SACM1L: variants seen among roughly 807,000 people sequenced by gnomAD.
The protein encoded by SACM1L is SAC1 like phosphatidylinositide phosphatase, also known as phosphatidylinositol-3-phosphatase SAC1.
A neutral mutation model predicts 89.5 loss-of-function variants in SACM1L; 32 were observed. The ratio of observed to expected loss-of-function variants is 0.36; its 90% CI spans 0.27 to 0.48. The LOEUF is 0.48. SACM1L is among the 20% of genes least tolerant of loss of function. The pLI, the probability that SACM1L is intolerant of heterozygous loss-of-function variation, is 0.99. For synonymous variants in SACM1L, 213 were observed against 232.8 expected (o/e 0.92, Z 0.77); for missense variants, 543 against 708.5 (o/e 0.77, Z 2.65).
At chr3:45,717,293 A>C (rs1260933412) in intron 7 of SACM1L, among the ~76,000 whole-genome samples, 1 of 152,234 alleles carries the variant, frequency 6.6e-6, no homozygotes, top group Non-Finnish European at 1.5e-5. Context: ...GTCTTTCCAG[A>C]ATGTTCACAG....
At chr3:45,738,196 T>G (rs764010131) in intron 16 of SACM1L, among the ~76,000 whole-genome samples, 2 of 152,234 alleles carry the variant, frequency 1.3e-5, no homozygotes, top group Non-Finnish European at 2.9e-5. Context: ...ATGAGGACAT[T>G]AATGAGAACA....
chr3:45,725,062 G>C (rs781372642), intron 11 of SACM1L, among the ~76,000 whole-genome samples: 7 of 152,140 alleles, frequency 4.6e-5, no homozygotes, highest in Non-Finnish European at 8.8e-5. Context: ...CTTATGACAG[G>C]ATCACACTAT....
chr3:45,734,043 T>A (rs1208490501), intron 13 of SACM1L, among the ~76,000 whole-genome samples: 1 of 152,174 alleles, frequency 6.6e-6, no homozygotes, highest in African/African-American at 2.4e-5. Flanking sequence ...GAAGGGAAAC[T>A]GATTTTTCAA....
chr3:45,709,478 T>C lies in SACM1L; in HGVS notation c.334-20T>C. On this transcript the variant is annotated intron_variant, in intron 4 of 19. Coordinates refer to ENST00000389061, the MANE Select transcript of SACM1L (RefSeq NM_014016.5). ...ATTCCTTTTCAATTATGAGCTATACTGATTTTTCTTTGTTTATAGTTACAA... is the reference window on the plus strand; with the variant it reads ...ATTCCTTTTCAATTATGAGCTATACCGATTTTTCTTTGTTTATAGTTACAA... 6.3e-7 allele frequency: 1 copy of C among 1,587,370 alleles called. No individual in the cohort carries two copies. Among genetic ancestry groups the C allele is most frequent in the Non-Finnish European group, 8.6e-7 (1 of 1,164,162 alleles).
chr3:45,694,656 C>T (rs117572674), intron 1 of SACM1L, among the ~76,000 whole-genome samples: 3 of 152,272 alleles, frequency 2.0e-5, no homozygotes, highest in East Asian at 3.9e-4. Context: ...CCACATTAGG[C>T]CTACTGAGTG....
chr3:45,697,898 A>G (rs973437917), intron 1 of SACM1L, among the ~76,000 whole-genome samples: 3 of 152,222 alleles, frequency 2.0e-5, no homozygotes, highest in African/African-American at 7.2e-5. Flanking sequence ...TCTGTTATCA[A>G]CAGTATAGAT....
chr3:45,720,402 A>G (rs1412289535), intron 8 of SACM1L, among the ~76,000 whole-genome samples: 1 of 152,100 alleles, frequency 6.6e-6, no homozygotes, highest in East Asian at 1.9e-4. Context: ...TGCAATAAAA[A>G]ATATTTCCCA....
rs574728463 is a variant in SACM1L at position 45,701,389 on chromosome 3, G to A, written c.33-2049G>A. Among the ~76,000 whole-genome samples, 10 of 152,196 alleles carry A rather than the reference G, an allele frequency of 6.6e-5. No individual in the cohort carries two copies. In the South Asian group the frequency reaches 1.2e-3, roughly 19 times the overall value. Reference sequence around the variant, plus strand: ...CCCTGGAATGTATTCATCACCTGCCGCATAGCCCCTAGTGCTTGCATAATG... The same window carrying A: ...CCCTGGAATGTATTCATCACCTGCCACATAGCCCCTAGTGCTTGCATAATG... On this transcript the variant is annotated intron_variant, in intron 1 of 19. Coordinates refer to ENST00000389061, the MANE Select transcript of SACM1L (RefSeq NM_014016.5).
At position 45,706,705 on chromosome 3, in the gene SACM1L, A is replaced by G. The variant is rs1698404240; in HGVS notation, c.206-75A>G. 6 of 1,293,356 alleles carry G rather than the reference A, an allele frequency of 4.6e-6. No individual in the cohort carries two copies. The Admixed American group carries it at 1.4e-4, about 31-fold the overall frequency. 80.1% of individuals were successfully genotyped at this position (1,293,356 alleles called of 1,614,324 possible). ...CTCATTCTACTAGCCTTTAAAGTTAAACAATAAGGACTCCTATTTCTACCT... is the reference window on the plus strand; with the variant it reads ...CTCATTCTACTAGCCTTTAAAGTTAGACAATAAGGACTCCTATTTCTACCT... On this transcript the variant is annotated intron_variant, in intron 3 of 19. Transcript: ENST00000389061.
intron 19 of SACM1L, among the ~76,000 whole-genome samples, chr3:45,742,182 CCTT>C (rs1232907252): frequency 6.6e-6 from 1 of 152,164 alleles, no homozygotes; most frequent in Non-Finnish European, 1.5e-5. Context: ...AAGGAACTGC[CCTT>C]CTTCTTTTGT....
At chr3:45,692,820 T>C (rs917776298) in intron 1 of SACM1L, among the ~76,000 whole-genome samples, 1 of 152,240 alleles carries the variant, frequency 6.6e-6, no homozygotes, top group Admixed American at 6.5e-5. Context: ...TACTTTCTCA[T>C]GGACAAGAGG....
At chr3:45,720,397 T>TA (rs965375570) in intron 8 of SACM1L, among the ~76,000 whole-genome samples, 88 of 152,196 alleles carry the variant, frequency 5.8e-4, no homozygotes, top group African/African-American at 2.0e-3. Context: ...TTTAATGCAA[T>TA]AAAAAATATT....
chr3:45,706,727 A>G (rs1168371439), intron 3 of SACM1L, 53 bp from the exon 4 acceptor site: 4 of 1,463,094 alleles, frequency 2.7e-6, no homozygotes, highest in South Asian at 1.3e-5. Context: ...TCCTATTTCT[A>G]CCTTTAGAGT....
chr3:45,710,496 C>T (rs1291667725), intron 5 of SACM1L, among the ~76,000 whole-genome samples: 1 of 104,036 alleles, frequency 9.6e-6, no homozygotes, highest in Non-Finnish European at 1.9e-5. Context: ...CCTGCCCAGT[C>T]TGCCTTTTTT....
chr3:45,700,789 T>C (rs181147284), intron 1 of SACM1L, among the ~76,000 whole-genome samples: 1 of 152,306 alleles, frequency 6.6e-6, no homozygotes, highest in Non-Finnish European at 1.5e-5. Flanking sequence ...TCTCATGCCT[T>C]AGCCTCCCAA....
chr3:45,701,403 G>A (rs1011812654), intron 1 of SACM1L, among the ~76,000 whole-genome samples: 1 of 152,106 alleles, frequency 6.6e-6, no homozygotes, highest in East Asian at 1.9e-4. Flanking sequence ...AGCCCCTAGT[G>A]CTTGCATAAT....
intron 11 of SACM1L, among the ~76,000 whole-genome samples, chr3:45,725,646 C>T (rs551126063): frequency 2.7e-5 from 4 of 150,360 alleles, no homozygotes; most frequent in Non-Finnish European, 5.9e-5. Flanking sequence ...CACCTGTGAA[C>T]AGAGATAATT....
At chr3:45,727,830 C>G (rs1262093872) in intron 11 of SACM1L, among the ~76,000 whole-genome samples, 2 of 152,076 alleles carry the variant, frequency 1.3e-5, no homozygotes, top group African/African-American at 4.8e-5. Context: ...CTCCTGACCT[C>G]GTGATCTGCC....
At chr3:45,689,815 TTC>T in intron 1 of SACM1L, 1 of 531,832 alleles carries the variant, frequency 1.9e-6, no homozygotes, top group Non-Finnish European at 3.4e-6. Context: ...TGTCCCCACT[TTC>T]TATGCAGAGC....
Sources: gnomAD v4.1 joint callset for allele counts (sites outside exome capture counted in the v4.1 genomes callset) on GRCh38, gnomAD v4.1.1 for gene constraint, MANE v1.5 for transcripts, NCBI Gene and HGNC (gene_info 2026-07-23, HGNC 2026-07-21) for gene names.